Variants in LPP observed in about 807,000 individuals in gnomAD.
LPP encodes the protein lipoma-preferred partner.
Under a neutral mutation model 60.4 loss-of-function variants are expected in LPP, and 38 were observed. The ratio of observed to expected loss-of-function variants is 0.63; its 90% confidence interval spans 0.49 to 0.83. The LOEUF (loss-of-function observed/expected upper bound fraction) is 0.83, where lower values mean the gene tolerates loss of function less well. Ranked by LOEUF, LPP falls within the 40% of genes least tolerant of loss-of-function variation. LPP has a pLI of 0.00. For synonymous variants in LPP, 328 were observed against 290.8 expected (o/e 1.13, Z -1.30); for missense variants, 902 against 783.6 (o/e 1.15, Z -1.80).
At position 188,657,782 on chromosome 3, in the gene LPP, A is replaced by G. The variant is rs549023386; in HGVS notation, c.1113+47938A>G. On this transcript the variant is annotated intron_variant, in intron 7 of 11. Coordinates refer to ENST00000617246, the MANE Select transcript of LPP (RefSeq NM_001375462.1). The stretch of plus-strand genomic sequence containing the variant: ...ATAGAGAATACCTTTAAAAATATAT[A>G]TAAGTTGGCTAAGCTCAAAAACACC... Among the ~76,000 whole-genome samples, 8 of 152,272 alleles carry G rather than the reference A, an allele frequency of 5.3e-5. No individual in the cohort carries two copies. The South Asian group carries it at 6.2e-4, about 12-fold the overall frequency.
intron 8 of LPP, among the ~76,000 whole-genome samples, chr3:188,757,137 A>G (rs1162649219): frequency 6.6e-6 from 1 of 152,166 alleles, no homozygotes; most frequent in Non-Finnish European, 1.5e-5. Flanking sequence ...TTCCTTCCAC[A>G]TTCCATAGCA....
intron 9 of LPP, among the ~76,000 whole-genome samples, chr3:188,780,597 C>A (rs73196798): frequency 0.22 from 33,288 of 152,086 alleles, 4,040 homozygotes; most frequent in Middle Eastern, 0.28. Flanking sequence ...CCCCAGGTTT[C>A]TACTCAGTCT....
intron 7 of LPP, among the ~76,000 whole-genome samples, chr3:188,649,385 C>G (rs1162743950): frequency 2.0e-5 from 3 of 152,184 alleles, no homozygotes; most frequent in African/African-American, 7.2e-5. Flanking sequence ...GTTTGGATGA[C>G]AGCTACATCA....
chr3:188,213,350 T>A (rs1712061104), intron 1 of LPP, among the ~76,000 whole-genome samples: 1 of 152,220 alleles, frequency 6.6e-6, no homozygotes, highest in Non-Finnish European at 1.5e-5. Context: ...AGCACATCTG[T>A]CTAATTTCAC....
intron 7 of LPP, among the ~76,000 whole-genome samples, chr3:188,643,437 G>A (rs1012066499): frequency 2.6e-5 from 4 of 152,148 alleles, no homozygotes; most frequent in African/African-American, 9.7e-5. Context: ...TCTCACCACT[G>A]AATGACTTAA....
intron 7 of LPP, among the ~76,000 whole-genome samples, chr3:188,613,423 A>G (rs539199373): frequency 7.2e-5 from 11 of 152,040 alleles, no homozygotes; most frequent in Admixed American, 5.9e-4. Flanking sequence ...TCTCAAGTCT[A>G]AAGTGACCAG....
At chr3:188,571,810 T>A (rs1300883021) in intron 6 of LPP, among the ~76,000 whole-genome samples, 2 of 152,114 alleles carry the variant, frequency 1.3e-5, no homozygotes, top group Non-Finnish European at 2.9e-5. Flanking sequence ...AAAATTATTG[T>A]AGTAATACAA....
intron 4 of LPP, among the ~76,000 whole-genome samples, chr3:188,481,505 G>A (rs182243885): frequency 9.2e-5 from 14 of 151,836 alleles, no homozygotes; most frequent in East Asian, 5.8e-4. Context: ...TTTTTTGTTC[G>A]TTTTGACCCT....
intron 2 of LPP, among the ~76,000 whole-genome samples, chr3:188,334,980 T>G (rs533214567): frequency 1.1e-3 from 173 of 152,326 alleles, no homozygotes; most frequent in Admixed American, 1.4e-3. Context: ...CTTGTTTCCT[T>G]TGTTGAAAAT....
intron 2 of LPP, among the ~76,000 whole-genome samples, chr3:188,250,676 T>A (rs964097639): frequency 1.3e-5 from 2 of 151,958 alleles, no homozygotes; most frequent in African/African-American, 4.8e-5. Flanking sequence ...TTCTCCTCCC[T>A]CCCTCCCGCT....
In LPP at chr3:188,466,804, AACATATATAT is replaced by A. The variant is rs367695626; in HGVS notation, c.194-17786_194-17777del. On this transcript the variant is annotated intron_variant, in intron 4 of 11. Coordinates refer to ENST00000617246, the MANE Select transcript of LPP (RefSeq NM_001375462.1). ...AAAAAAGTGGTTTCTGTCATCTCAG[AACATATATAT>A]ATATATATATATATATATATATATA... Among the ~76,000 whole-genome samples the A allele has an allele frequency of 6.0e-3, 438 of 72,952 alleles. 33 individuals are homozygous for A. Among genetic ancestry groups the A allele is most frequent in the Middle Eastern group, 9.6e-3 (1 of 104 alleles). The allele number at this position is 72,952 out of a possible 152,430, so 47.9% of individuals were successfully genotyped here. A position where few individuals can be genotyped will look rare whatever the true frequency, so the allele number is the denominator to read the frequency against.
At chr3:188,473,512 G>T (rs1216760270) in intron 4 of LPP, among the ~76,000 whole-genome samples, 4 of 152,162 alleles carry the variant, frequency 2.6e-5, no homozygotes, top group Admixed American at 2.0e-4. Flanking sequence ...CAAGGTCCTT[G>T]TCTGGGTCCC....
chr3:188,733,334 A>G (rs889852510), intron 8 of LPP, among the ~76,000 whole-genome samples: 1 of 151,268 alleles, frequency 6.6e-6, no homozygotes, highest in Non-Finnish European at 1.5e-5. Context: ...TATATACCAT[A>G]CATGTACACG....
chr3:188,859,116 G>A (rs74718469), intron 9 of LPP, among the ~76,000 whole-genome samples: 53 of 138,026 alleles, frequency 3.8e-4, no homozygotes, highest in Admixed American at 8.2e-4. Flanking sequence ...AAAAAAAAAG[G>A]ATGTTCATGT....
intron 4 of LPP, among the ~76,000 whole-genome samples, chr3:188,478,929 A>G (rs934970678): frequency 1.3e-5 from 2 of 151,654 alleles, no homozygotes; most frequent in African/African-American, 2.4e-5. Context: ...AATTTTTGTA[A>G]TTTTAGCAGA....
At chr3:188,536,707 A>T (rs1823739529) in intron 6 of LPP, among the ~76,000 whole-genome samples, 1 of 152,234 alleles carries the variant, frequency 6.6e-6, no homozygotes, top group African/African-American at 2.4e-5. Flanking sequence ...GTGGGTTAAA[A>T]AGATATAATA....
intron 2 of LPP, among the ~76,000 whole-genome samples, chr3:188,304,129 TG>T (rs1750788727): frequency 2.0e-5 from 3 of 152,148 alleles, no homozygotes; most frequent in Admixed American, 6.6e-5. Context: ...TTATAATAAA[TG>T]TATCAAATTT....
intron 2 of LPP, among the ~76,000 whole-genome samples, chr3:188,315,647 A>G (rs1754812237): frequency 6.6e-6 from 1 of 152,176 alleles, no homozygotes; most frequent in Admixed American, 6.5e-5. Context: ...TAAGCTTTGT[A>G]GGGACAGGAA....
intron 1 of LPP, among the ~76,000 whole-genome samples, chr3:188,162,094 T>G (rs940271037): frequency 6.6e-6 from 1 of 152,228 alleles, no homozygotes; most frequent in Non-Finnish European, 1.5e-5. Context: ...GTGTTTGTCT[T>G]CCCTATTGAA....
Sources: allele counts gnomAD v4.1 joint callset (sites outside exome capture counted in the v4.1 genomes callset), GRCh38; gene constraint gnomAD v4.1.1; transcripts MANE v1.5; gene names NCBI Gene and HGNC (gene_info 2026-07-23, HGNC 2026-07-21).